STK24: variants seen among roughly 807,000 people sequenced by gnomAD.
The protein encoded by STK24 is serine/threonine kinase 24.
Under a neutral mutation model 55.6 loss-of-function variants are expected in STK24, and 21 were observed. That is an observed-to-expected ratio of 0.38 (90% CI 0.27 to 0.54). The LOEUF is 0.54. STK24 is among the 20% of genes least tolerant of loss of function. The pLI is 0.79. For synonymous variants in STK24, 200 were observed against 215.2 expected, an observed-to-expected ratio of 0.93 and a Z score of 0.62; for missense variants, 383 against 538.4, an observed-to-expected ratio of 0.71 and a Z score of 2.86.
intron 2 of STK24, among the ~76,000 whole-genome samples, chr13:98,483,116 T>C (rs6491428): frequency 0.84 from 128,489 of 152,306 alleles, 54,627 homozygotes; most frequent in Non-Finnish European, 0.91. Flanking sequence ...CGCAAACCTG[T>C]CCGCCCTCCT....
At chr13:98,470,872 TA>T (rs1006842659) in intron 5 of STK24, among the ~76,000 whole-genome samples, 4 of 152,240 alleles carry the variant, frequency 2.6e-5, no homozygotes, top group African/African-American at 9.6e-5. Flanking sequence ...AAACCAGGGA[TA>T]ACCCTAAATC....
chr13:98,458,666 G>A (rs372040659), intron 9 of STK24, among the ~76,000 whole-genome samples: 195 of 152,266 alleles, frequency 1.3e-3, no homozygotes, highest in African/African-American at 4.3e-3. Context: ...CCCATGCCCC[G>A]CCCCTAAGTC....
intron 1 of STK24, among the ~76,000 whole-genome samples, chr13:98,554,420 T>C (rs1278417914): frequency 6.6e-6 from 1 of 152,226 alleles, no homozygotes; most frequent in Non-Finnish European, 1.5e-5. Flanking sequence ...CAAGTTGTAC[T>C]CATGGTCATT....
At chr13:98,513,835 T>C (rs940572567) in intron 2 of STK24, among the ~76,000 whole-genome samples, 2 of 152,282 alleles carry the variant, frequency 1.3e-5, no homozygotes, top group East Asian at 3.9e-4. Context: ...TTCTGAGGCA[T>C]AGGAGAGTTC....
At chr13:98,483,222 G>A (rs1894668570) in intron 2 of STK24, among the ~76,000 whole-genome samples, 1 of 152,202 alleles carries the variant, frequency 6.6e-6, no homozygotes, top group Non-Finnish European at 1.5e-5. Flanking sequence ...GCTGTCTCCT[G>A]AGCTTCTGCA....
intron 1 of STK24, among the ~76,000 whole-genome samples, chr13:98,569,767 G>A (rs1897689795): frequency 6.6e-6 from 1 of 151,262 alleles, no homozygotes. Flanking sequence ...AGAGCGGGGA[G>A]CCCATGTGAG....
Position 98,448,338 on chromosome 13 carries a change from C to G in STK24, c.*4835G>C. The G allele has an allele frequency of 6.4e-7, 1 of 1,563,814 alleles. No homozygotes were observed. Among genetic ancestry groups the G allele is most frequent in the Non-Finnish European group, 8.8e-7 (1 of 1,134,016 alleles). ...ATTGATGGCCGGACACACTCGTTTC[C>G]GCAGTGGCTGCTTTCCTGGAAGACG... On this transcript the variant is annotated 3_prime_UTR_variant, in exon 11 of 11. Coordinates refer to ENST00000539966, the MANE Select transcript of STK24 (RefSeq NM_001032296.4).
At chr13:98,543,882 T>TAAACC (rs1175658930) in intron 1 of STK24, among the ~76,000 whole-genome samples, 11 of 152,310 alleles carry the variant, frequency 7.2e-5, no homozygotes, top group African/African-American at 2.4e-4. Flanking sequence ...CCACATGCTA[T>TAAACC]ACAAAAGAAA....
intron 5 of STK24, among the ~76,000 whole-genome samples, chr13:98,468,947 C>G (rs1894031049): frequency 6.6e-6 from 1 of 152,226 alleles, no homozygotes; most frequent in South Asian, 2.1e-4. Flanking sequence ...TCCAGACCTC[C>G]AAGCACCTCT....
rs551795508 is a variant in STK24 at position 98,488,502 on chromosome 13, C to A, written c.274-6181G>T. The stretch of plus-strand genomic sequence containing the variant: ...TTTCTTTCCTGTGAGCTGTGTATAT[C>A]CTTTGTCCATTTTTCTATTGGGTTA... On this transcript the variant is annotated intron_variant, in intron 2 of 10. Coordinates refer to ENST00000539966, the MANE Select transcript of STK24 (RefSeq NM_001032296.4). Among the ~76,000 whole-genome samples, 14 of 152,146 alleles carry A rather than the reference C, an allele frequency of 9.2e-5. No homozygotes were observed. In the East Asian group the frequency reaches 2.7e-3, roughly 29 times the overall value.
At chr13:98,542,234 A>T (rs1445532484) in intron 1 of STK24, among the ~76,000 whole-genome samples, 1 of 152,196 alleles carries the variant, frequency 6.6e-6, no homozygotes, top group Non-Finnish European at 1.5e-5. Flanking sequence ...GCCATTTTAA[A>T]GCATTGTAAA....
At chr13:98,502,694 A>C (rs1179565719) in intron 2 of STK24, among the ~76,000 whole-genome samples, 2 of 152,212 alleles carry the variant, frequency 1.3e-5, no homozygotes, top group Non-Finnish European at 2.9e-5. Flanking sequence ...TGACACAGCA[A>C]GAAAGCCCTC....
At chr13:98,456,046 T>C (rs1893439875) in intron 10 of STK24, 1 of 153,396 alleles carries the variant, frequency 6.5e-6, no homozygotes, top group Non-Finnish European at 1.5e-5. Context: ...GAGGGAGGGA[T>C]CGTCCTTCAA....
In STK24 at chr13:98,460,354, G is replaced by C; in HGVS notation, c.1122+18C>G. The C allele has an allele frequency of 6.2e-7, 1 of 1,611,508 alleles. No homozygotes were observed. The highest frequency in any genetic ancestry group is 8.5e-7 in the Non-Finnish European group (1 of 1,178,440). The stretch of plus-strand genomic sequence containing the variant: ...TCCCCCTCCCCTCCCACTCCGAAAA[G>C]GCCAGCCAGGTACCTACCTCTGCAA... On this transcript the variant is annotated intron_variant, in intron 9 of 10. Transcript: ENST00000539966.
Position 98,446,827 on chromosome 13 carries a change from C to T in STK24, c.*6346G>A, listed in dbSNP as rs374256110. 1 of 1,613,712 alleles carries T rather than the reference C, an allele frequency of 6.2e-7. No homozygotes were observed. The highest frequency in any genetic ancestry group is 1.3e-5 in the African/African-American group (1 of 74,904). On this transcript the variant is annotated 3_prime_UTR_variant, in exon 11 of 11. Transcript: ENST00000539966. ...AGTACACGTTCGAAAGGTAGACACC[C>T]CCTTCCCACGCACAGGGCCCTGCAG... is the stretch of plus-strand genomic sequence containing the variant.
chr13:98,556,337 G>C (rs1897288665), intron 1 of STK24, among the ~76,000 whole-genome samples: 1 of 152,226 alleles, frequency 6.6e-6, no homozygotes, highest in South Asian at 2.1e-4. Context: ...CATTAAGGCT[G>C]GGTGCTGCGG....
At chr13:98,546,907 T>TG (rs1566399030) in intron 1 of STK24, among the ~76,000 whole-genome samples, 3 of 152,240 alleles carry the variant, frequency 2.0e-5, no homozygotes, top group South Asian at 4.1e-4. Flanking sequence ...TGTTGTTTTT[T>TG]TTTGTTTGTT....
At chr13:98,542,408 G>A (rs561896917) in intron 1 of STK24, among the ~76,000 whole-genome samples, 3 of 151,742 alleles carry the variant, frequency 2.0e-5, no homozygotes, top group South Asian at 2.1e-4. Flanking sequence ...CAAAAAAAAC[G>A]GCCAATTGGT....
intron 1 of STK24, among the ~76,000 whole-genome samples, chr13:98,545,559 G>C (rs866366678): frequency 6.6e-6 from 1 of 150,984 alleles, no homozygotes; most frequent in East Asian, 2.0e-4. Context: ...GCGTGAACCC[G>C]GGAGGCAGAG....
Sources: allele counts gnomAD v4.1 joint callset (sites outside exome capture counted in the v4.1 genomes callset), GRCh38; gene constraint gnomAD v4.1.1; transcripts MANE v1.5; gene names NCBI Gene and HGNC (gene_info 2026-07-23, HGNC 2026-07-21).